The following DNAH14 variants were observed in gnomAD, a reference collection of about 807,000 sequenced individuals.
The protein encoded by DNAH14 is axonemal beta dynein heavy chain 14.
A neutral mutation model predicts 520.9 loss-of-function variants in DNAH14; 478 were observed. The observed-to-expected ratio is 0.92, with a 90% CI of 0.85 to 0.99. DNAH14 has a LOEUF of 0.99. Ranked by LOEUF, DNAH14 falls within the 50% of genes least tolerant of loss-of-function variation. The pLI, the probability that DNAH14 is intolerant of heterozygous loss-of-function variation, is 0.00. For missense variants in DNAH14, 4,831 were observed against 5,234.5 expected (o/e 0.92, Z 2.38); for synonymous variants, 1,581 against 1,757.2 (o/e 0.90, Z 2.51).
At chr1:224,997,081 A>T (rs1000734472) in intron 8 of DNAH14, among the ~76,000 whole-genome samples, 2 of 152,054 alleles carry the variant, frequency 1.3e-5, no homozygotes, top group African/African-American at 2.4e-5. Flanking sequence ...CTATGCTGTT[A>T]GCTGGTACCT....
chr1:225,268,479 G>A (rs2093200552), intron 49 of DNAH14, among the ~76,000 whole-genome samples: 1 of 152,090 alleles, frequency 6.6e-6, no homozygotes. Flanking sequence ...TTCTGGCCAG[G>A]GCAATCAGGC....
At chr1:225,033,831 A>G (rs1388106817) in intron 11 of DNAH14, among the ~76,000 whole-genome samples, 1 of 152,028 alleles carries the variant, frequency 6.6e-6, no homozygotes, top group East Asian at 1.9e-4. Context: ...TTTTATGGCA[A>G]TTGTGAATGG....
intron 36 of DNAH14, among the ~76,000 whole-genome samples, chr1:225,171,141 G>C (rs2082598631): frequency 6.6e-6 from 1 of 152,174 alleles, no homozygotes; most frequent in Admixed American, 6.5e-5. Context: ...GAAATTTATA[G>C]CACTAAATGC....
At chr1:224,996,793 T>C (rs2063421116) in intron 8 of DNAH14, among the ~76,000 whole-genome samples, 1 of 152,200 alleles carries the variant, frequency 6.6e-6, no homozygotes, top group Non-Finnish European at 1.5e-5. Flanking sequence ...GGGGACCAGC[T>C]GATATGCTTA....
At chr1:225,066,210 G>A (rs1236236212) in intron 17 of DNAH14, among the ~76,000 whole-genome samples, 1 of 151,740 alleles carries the variant, frequency 6.6e-6, no homozygotes, top group East Asian at 1.9e-4. Flanking sequence ...TTCTGTAAAG[G>A]TATTTGAGTT....
At chr1:225,361,351 C>G (rs1026519181) in intron 75 of DNAH14, among the ~76,000 whole-genome samples, 1 of 152,204 alleles carries the variant, frequency 6.6e-6, no homozygotes, top group Non-Finnish European at 1.5e-5. Context: ...GGCTGTACCT[C>G]CCAAAGCACT....
intron 46 of DNAH14, among the ~76,000 whole-genome samples, chr1:225,262,436 G>A (rs1404865947): frequency 1.1e-4 from 17 of 151,944 alleles, no homozygotes; most frequent in Admixed American, 1.1e-3. Context: ...GTCCAGAAGA[G>A]TTTTTCTTAG....
chr1:224,978,770 C>T (rs753782936), intron 8 of DNAH14, among the ~76,000 whole-genome samples: 29 of 152,068 alleles, frequency 1.9e-4, no homozygotes, highest in Non-Finnish European at 3.2e-4. Flanking sequence ...TCCTGAATAC[C>T]TGGGGCTACA....
chr1:225,207,137 AG>A lies in DNAH14; in HGVS notation c.6358del (p.Asp2120ThrfsTer2), dbSNP rs1292215509. The A allele has an allele frequency of 6.4e-7, 1 of 1,551,028 alleles. No individual in the cohort carries two copies. The highest frequency in any genetic ancestry group is 8.7e-7 in the Non-Finnish European group (1 of 1,146,582). ...NRQKFQPYPM[E>X]DITVVITLCR... ...CAGAAATTTCAGCCATATCCTATGG[AG>A]GACATAACAGTCGTCATAACCCTCT... On this transcript the variant is annotated frameshift_variant, in exon 41 of 86. Transcript: ENST00000682510. LOFTEE classifies it high-confidence loss of function.
intron 27 of DNAH14, among the ~76,000 whole-genome samples, chr1:225,129,554 A>G (rs2148941107): frequency 6.6e-6 from 1 of 152,338 alleles, no homozygotes; most frequent in South Asian, 2.1e-4. Flanking sequence ...CCTGATAAAA[A>G]CAAGCAATGT....
At chr1:225,243,298 A>G (rs1170049385) in intron 43 of DNAH14, among the ~76,000 whole-genome samples, 1 of 152,150 alleles carries the variant, frequency 6.6e-6, no homozygotes, top group Admixed American at 6.6e-5. Context: ...CTAGGTTAGA[A>G]TAGGAGGGTA....
chr1:225,083,946 C>T (rs577100302), intron 20 of DNAH14, among the ~76,000 whole-genome samples: 1 of 152,214 alleles, frequency 6.6e-6, no homozygotes, highest in East Asian at 1.9e-4. Context: ...ATTTTGCAGA[C>T]TAAATGTAGC....
At chr1:225,314,004 T>C (rs2094420604) in intron 60 of DNAH14, among the ~76,000 whole-genome samples, 1 of 152,224 alleles carries the variant, frequency 6.6e-6, no homozygotes, top group African/African-American at 2.4e-5. Context: ...GTTAATTTTC[T>C]GTTTCATTGA....
chr1:225,117,047 T>C (rs2076920538), intron 23 of DNAH14, among the ~76,000 whole-genome samples: 2 of 152,066 alleles, frequency 1.3e-5, no homozygotes, highest in South Asian at 4.1e-4. Flanking sequence ...GGGAGGCCTA[T>C]TGCAAGGGAG....
At chr1:225,069,691 G>A (rs3102116) in intron 17 of DNAH14, among the ~76,000 whole-genome samples, 121,320 of 152,090 alleles carry the variant, frequency 0.8, 51,754 homozygotes, top group Non-Finnish European at 0.96. Flanking sequence ...TATCTCTGCC[G>A]GGTTTTGGTA....
chr1:224,976,594 A>G (rs931077145), intron 8 of DNAH14, among the ~76,000 whole-genome samples: 8 of 152,116 alleles, frequency 5.3e-5, no homozygotes, highest in Admixed American at 3.9e-4. Context: ...CTCATCTGAC[A>G]AAGGGCTAAT....
At chr1:224,935,023 C>G (rs534691919) in intron 1 of DNAH14, among the ~76,000 whole-genome samples, 3 of 151,720 alleles carry the variant, frequency 2.0e-5, no homozygotes, top group Admixed American at 1.3e-4. Context: ...AGTCTTAAAC[C>G]TGGAAGTAAA....
chr1:225,227,378 T>C (rs755853480), intron 41 of DNAH14, among the ~76,000 whole-genome samples: 5 of 152,138 alleles, frequency 3.3e-5, no homozygotes, highest in African/African-American at 4.8e-5. Context: ...AACACAATTT[T>C]AACAAAGCAC....
In DNAH14 at chr1:225,331,538, G is replaced by T; in HGVS notation, c.9825G>T (p.Gln3275His). The change falls in exon 65 of 86, where the codon CAG becomes CAT. Residue 3275 changes from glutamine (Q) to histidine (H), a missense_variant. Physicochemically the swap from Gln to His is conservative, Grantham distance 24 (BLOSUM62 0). Transcript: ENST00000682510. ...AAACAATGGCCAGCAGGCGCTTTCA[G>T]TGTGCGTCAGTCTTACTAACTGTCC... The part of the protein sequence containing the change: ...NRKTMASRRF[Q>H]CASVLLTVLE... 6.4e-7 allele frequency: 1 copy of T among 1,551,492 alleles called. No homozygotes were observed. Among genetic ancestry groups the T allele is most frequent in the South Asian group, 1.2e-5 (1 of 84,050 alleles).
Sources: allele counts gnomAD v4.1 joint callset (sites outside exome capture counted in the v4.1 genomes callset), GRCh38; gene constraint gnomAD v4.1.1; transcripts MANE v1.5; gene names NCBI Gene and HGNC (gene_info 2026-07-23, HGNC 2026-07-21).